The following NAV2 variants were observed in gnomAD, a reference collection of about 807,000 sequenced individuals.
The protein encoded by NAV2 is neuron navigator 2, also known as helicase, APC down-regulated 1.
NAV2 carries 54 observed loss-of-function variants against 223.2 expected under a neutral mutation model. The observed-to-expected ratio is 0.24, with a 90% CI of 0.19 to 0.30. NAV2 has a LOEUF of 0.30. Ranked by LOEUF, NAV2 falls within the 10% of genes least tolerant of loss-of-function variation. The pLI, the probability that NAV2 is intolerant of heterozygous loss-of-function variation, is 1.00. For synonymous variants in NAV2, 1,279 were observed against 1,239.3 expected (o/e 1.03, Z -0.67); for missense variants, 2,806 against 3,147.5 (o/e 0.89, Z 2.60).
At chr11:19,443,904 G>A (rs150102584) in intron 1 of NAV2, among the ~76,000 whole-genome samples, 6 of 152,244 alleles carry the variant, frequency 3.9e-5, no homozygotes, top group African/African-American at 1.4e-4. Flanking sequence ...TTCAATAAGG[G>A]ACAACTCCTC....
In NAV2 at chr11:19,919,904, C is replaced by T. The variant is rs544964007; in HGVS notation, c.932-13272C>T. Reference sequence around the variant, plus strand: ...ATCCCAGGACTTTGGGAGGCCAAGACAGGAGGATTACTCGAGCCCAGGGGT... The same window carrying T: ...ATCCCAGGACTTTGGGAGGCCAAGATAGGAGGATTACTCGAGCCCAGGGGT... On this transcript the variant is annotated intron_variant, in intron 6 of 37. Coordinates refer to ENST00000349880, the MANE Select transcript of NAV2 (RefSeq NM_145117.5). 1.2e-4 allele frequency among the ~76,000 whole-genome samples: 18 copies of T among 152,204 alleles called. No individual in the cohort carries two copies. The South Asian group carries it at 3.5e-3, about 30-fold the overall frequency.
chr11:19,802,119 A>G (rs2058304837), intron 1 of NAV2, among the ~76,000 whole-genome samples: 1 of 152,170 alleles, frequency 6.6e-6, no homozygotes, highest in Non-Finnish European at 1.5e-5. Flanking sequence ...AAGGGCTAGA[A>G]GGATTAATCA....
At chr11:19,874,403 G>A (rs1484416478) in intron 4 of NAV2, among the ~76,000 whole-genome samples, 2 of 152,190 alleles carry the variant, frequency 1.3e-5, no homozygotes, top group African/African-American at 4.8e-5. Context: ...TGTCTCCTCA[G>A]GCAAGTCAGT....
At chr11:19,664,867 C>T (rs1185061829) in intron 1 of NAV2, among the ~76,000 whole-genome samples, 1 of 152,228 alleles carries the variant, frequency 6.6e-6, no homozygotes, top group African/African-American at 2.4e-5. Context: ...TTTATATTCA[C>T]TCTCGCATTC....
intron 1 of NAV2, among the ~76,000 whole-genome samples, chr11:19,695,411 C>CTT (rs5790083): frequency 4.0e-4 from 60 of 149,710 alleles, no homozygotes; most frequent in Middle Eastern, 3.4e-3. Flanking sequence ...TGCTCCCAGC[C>CTT]TTTTTTTTTT....
intron 1 of NAV2, among the ~76,000 whole-genome samples, chr11:19,516,747 C>T (rs1381545998): frequency 6.6e-6 from 1 of 152,212 alleles, no homozygotes; most frequent in Non-Finnish European, 1.5e-5. Context: ...TCCTGCTGGG[C>T]TGGTGTTTCC....
chr11:19,877,179 T>C (rs543880763), intron 4 of NAV2, among the ~76,000 whole-genome samples: 153 of 152,004 alleles, frequency 1.0e-3, no homozygotes, highest in Non-Finnish European at 1.6e-3. Flanking sequence ...TTTCCCCTTA[T>C]GTGAAAGAGG....
intron 11 of NAV2, among the ~76,000 whole-genome samples, chr11:20,017,021 GAAAAT>G (rs66771296): frequency 0.99 from 149,773 of 151,816 alleles, 73,910 homozygotes; most frequent in East Asian, 1. Context: ...AATAAAAATA[GAAAAT>G]AAAATAAAAG....
intron 10 of NAV2, among the ~76,000 whole-genome samples, chr11:19,961,834 C>T (rs1384958459): frequency 4.6e-5 from 7 of 152,078 alleles, no homozygotes; most frequent in South Asian, 2.1e-4. Context: ...AGGACATTTA[C>T]GAAGATGATG....
At chr11:19,701,656 G>A (rs1459204113) in intron 1 of NAV2, among the ~76,000 whole-genome samples, 1 of 152,212 alleles carries the variant, frequency 6.6e-6, no homozygotes. Flanking sequence ...TAAAATTCTT[G>A]TGCAATGTGG....
chr11:19,746,358 C>A (rs997380897), intron 1 of NAV2, among the ~76,000 whole-genome samples: 5 of 131,114 alleles, frequency 3.8e-5, no homozygotes, highest in African/African-American at 1.4e-4. Context: ...TAACTGACTT[C>A]AGTATGCGTT....
intron 6 of NAV2, among the ~76,000 whole-genome samples, chr11:19,914,029 G>C (rs139781629): frequency 6.6e-6 from 1 of 152,170 alleles, no homozygotes; most frequent in Non-Finnish European, 1.5e-5. Context: ...ACATCAGAGC[G>C]AATTTTTTAA....
intron 1 of NAV2, among the ~76,000 whole-genome samples, chr11:19,395,797 C>T (rs1319760597): frequency 6.6e-6 from 1 of 152,192 alleles, no homozygotes; most frequent in Non-Finnish European, 1.5e-5. Context: ...CTCCTCTGCC[C>T]CTTTACATGC....
chr11:19,656,088 G>A, intron 1 of NAV2, among the ~76,000 whole-genome samples: 1 of 152,088 alleles, frequency 6.6e-6, no homozygotes, highest in East Asian at 1.9e-4. Context: ...CCGTGAAGGG[G>A]CTCAGCAGTG....
chr11:19,764,643 T>G (rs1026419114), intron 1 of NAV2, among the ~76,000 whole-genome samples: 2 of 152,210 alleles, frequency 1.3e-5, no homozygotes, highest in African/African-American at 4.8e-5. Flanking sequence ...TTCAGTACAT[T>G]CTTTTTTCTT....
chr11:19,711,038 G>C (rs756063368), upstream of NAV2: 6 of 152,216 alleles, frequency 3.9e-5, no homozygotes, highest in Non-Finnish European at 8.8e-5. Context: ...GGCATCAGAT[G>C]GCAAAGGGCA....
At chr11:19,426,085 A>G (rs959871265) in intron 1 of NAV2, among the ~76,000 whole-genome samples, 1 of 152,208 alleles carries the variant, frequency 6.6e-6, no homozygotes, top group South Asian at 2.1e-4. Context: ...ACTCTAGCTC[A>G]GTGATTCTGA....
At chr11:19,918,785 A>G (rs2044019240) in intron 6 of NAV2, among the ~76,000 whole-genome samples, 1 of 152,244 alleles carries the variant, frequency 6.6e-6, no homozygotes, top group Admixed American at 6.5e-5. Context: ...AGTTTCATGC[A>G]GTCATTCAGT....
rs116060231 is a variant in NAV2, at chr11:19,424,467, C to T, written c.75+73440C>T. On this transcript the variant is annotated intron_variant, in intron 1 of 37. Coordinates refer to the NAV2 transcript ENST00000360655. ...ATTTGACTGTCGAAATTAAAGGTTC[C>T]TCCACATTCTAAGAAGCGGTCAAAT... Among the ~76,000 whole-genome samples, 1,338 of 152,312 alleles carry T rather than the reference C, an allele frequency of 8.8e-3. 26 individuals carry two copies. Among genetic ancestry groups the T allele is most frequent in the African/African-American group, 0.031 (1,271 of 41,572 alleles).
Sources: gnomAD v4.1 joint callset for allele counts (sites outside exome capture counted in the v4.1 genomes callset) on GRCh38, gnomAD v4.1.1 for gene constraint, MANE v1.5 for transcripts, NCBI Gene and HGNC (gene_info 2026-07-23, HGNC 2026-07-21) for gene names.